The following CASTOR2 variants were observed in gnomAD, a reference collection of about 807,000 sequenced individuals.
CASTOR2 encodes the protein GATS protein like 2.
CASTOR2 carries 8 observed loss-of-function variants against 31.2 expected under a neutral mutation model. The ratio of observed to expected loss-of-function variants is 0.26; its 90% CI spans 0.15 to 0.46. CASTOR2 has a LOEUF of 0.46. Ranked by LOEUF, CASTOR2 falls within the 20% of genes least tolerant of loss-of-function variation. The pLI is 0.99. For synonymous variants in CASTOR2, 162 were observed against 158.7 expected (o/e 1.02, Z -0.16); for missense variants, 216 against 382.1 (o/e 0.57, Z 3.62).
At chr7:75,023,788 C>G (rs1330410042) in intron 7 of CASTOR2, among the ~76,000 whole-genome samples, 3 of 152,142 alleles carry the variant, frequency 2.0e-5, no homozygotes, top group Non-Finnish European at 4.4e-5. Flanking sequence ...CTTACTGTCA[C>G]GAGAACAGTA....
At chr7:74,981,804 C>T (rs1172293521) in intron 1 of CASTOR2, among the ~76,000 whole-genome samples, 3 of 145,984 alleles carry the variant, frequency 2.1e-5, no homozygotes, top group East Asian at 2.0e-4. Context: ...CGGTGGCTCA[C>T]GCCTATAATC....
In CASTOR2 at chr7:75,024,805, T is replaced by C. The variant is rs1805083747; in HGVS notation, c.*106T>C. On this transcript the variant is annotated 3_prime_UTR_variant, in exon 9 of 9. Transcript: ENST00000616305. ...GACTGGAAAATCAGCCTGGGGACCC[T>C]GAGGAAGGGGCCTCTGTGGGAGACT... The C allele has an allele frequency of 1.3e-6, 2 of 1,550,048 alleles. No homozygotes were observed. Among genetic ancestry groups the C allele is most frequent in the Admixed American group, 3.9e-5 (2 of 51,004 alleles).
At position 74,964,711 on chromosome 7, in the gene CASTOR2, T is replaced by TCCCCGCGCCGGGCG. The variant is rs1803539500; in HGVS notation, c.-272_-259dup. 1 of 121,954 alleles carries TCCCCGCGCCGGGCG rather than the reference T, an allele frequency of 8.2e-6. No homozygotes were observed. Among genetic ancestry groups the TCCCCGCGCCGGGCG allele is most frequent in the Non-Finnish European group, 1.7e-5 (1 of 57,620 alleles). The allele number at this position is 121,954 out of a possible 1,614,324, so 7.6% of individuals were successfully genotyped here. A position where few individuals can be genotyped will look rare whatever the true frequency, so the allele number is the denominator to read the frequency against. ...GTTTGTTACAGCGAACACCAGCTGC[T>TCCCCGCGCCGGGCG]CCCCGCGCCGGGCGCCGCGCGCCGC... is the stretch of plus-strand genomic sequence containing the variant. On this transcript the variant is annotated 5_prime_UTR_variant, in exon 1 of 9. Transcript: ENST00000616305.
intron 1 of CASTOR2, among the ~76,000 whole-genome samples, chr7:74,996,815 G>A (rs1166626397): frequency 1.6e-5 from 2 of 124,364 alleles, no homozygotes; most frequent in African/African-American, 3.1e-5. Flanking sequence ...TGCAACCTTC[G>A]CCTCCCAGGT....
chr7:75,031,374 C>A lies in CASTOR2; in HGVS notation c.*6675C>A, dbSNP rs987324400. Among the ~76,000 whole-genome samples, 2 of 152,196 alleles carry A rather than the reference C, an allele frequency of 1.3e-5. No homozygotes were observed. Among genetic ancestry groups the A allele is most frequent in the Non-Finnish European group, 2.9e-5 (2 of 68,042 alleles). On this transcript the variant is annotated 3_prime_UTR_variant, in exon 9 of 9. Coordinates refer to ENST00000616305, the MANE Select transcript of CASTOR2 (RefSeq NM_001145064.3). ...GAACCTGCCATCTTATCCCTACCCC[C>A]CCGGGGCCCTCAAGCTTATTTTCTT...
At chr7:75,018,198 T>C in intron 4 of CASTOR2, 76 bp downstream of exon 4, 7 of 1,566,736 alleles carry the variant, frequency 4.5e-6, no homozygotes, top group Non-Finnish European at 6.1e-6. Flanking sequence ...AGCCTTACTC[T>C]CAGCACGGGC....
At chr7:75,018,162 G>A (rs1186352752) in intron 4 of CASTOR2, 40 bp downstream of exon 4, 105 of 1,604,308 alleles carry the variant, frequency 6.5e-5, no homozygotes, top group Middle Eastern at 5.0e-4. Context: ...GAAACCTCAC[G>A]AAGTTACCAG....
At chr7:74,983,701 G>C (rs1277433827) in intron 1 of CASTOR2, among the ~76,000 whole-genome samples, 12 of 151,008 alleles carry the variant, frequency 7.9e-5, no homozygotes, top group Non-Finnish European at 1.5e-4. Flanking sequence ...CCATGGTGTG[G>C]GGAATGTCTC....
intron 2 of CASTOR2, among the ~76,000 whole-genome samples, chr7:75,014,228 T>C (rs1459182696): frequency 3.9e-5 from 6 of 151,934 alleles, no homozygotes; most frequent in Non-Finnish European, 2.9e-5. Flanking sequence ...TACATCATTG[T>C]GGTCCATGCC....
At chr7:74,988,278 G>A (rs1322265629) in intron 1 of CASTOR2, among the ~76,000 whole-genome samples, 1 of 151,274 alleles carries the variant, frequency 6.6e-6, no homozygotes, top group African/African-American at 2.4e-5. Context: ...ACAAGTGCCC[G>A]CCACCACACC....
intron 5 of CASTOR2, among the ~76,000 whole-genome samples, chr7:75,019,764 G>GA (rs1804949934): frequency 6.6e-6 from 1 of 152,234 alleles, no homozygotes; most frequent in Non-Finnish European, 1.5e-5. Context: ...CCAGCATGCT[G>GA]ACAGTCACCA....
chr7:74,996,895 A>G (rs1291966130), intron 1 of CASTOR2, among the ~76,000 whole-genome samples: 2 of 149,784 alleles, frequency 1.3e-5, no homozygotes, highest in Non-Finnish European at 3.0e-5. Context: ...CGCCCGGCTA[A>G]TTTTTTTGTG....
chr7:74,991,130 A>G (rs1804201378), intron 1 of CASTOR2, among the ~76,000 whole-genome samples: 1 of 151,764 alleles, frequency 6.6e-6, no homozygotes, highest in Admixed American at 6.6e-5. Context: ...ACCACGAGCC[A>G]CACTATAGTT....
At chr7:75,014,829 G>A (rs1224060711) in intron 2 of CASTOR2, among the ~76,000 whole-genome samples, 1 of 152,196 alleles carries the variant, frequency 6.6e-6, no homozygotes, top group Admixed American at 6.5e-5. Flanking sequence ...GAGACTCCTA[G>A]TGGCAGAGTC....
In CASTOR2 at chr7:75,018,104, T is replaced by C; in HGVS notation, c.493T>C (p.Phe165Leu). The change falls in exon 4 of 9, where the codon TTC becomes CTC. Residue 165 changes from phenylalanine (F) to leucine (L), a missense_variant. Coordinates refer to ENST00000616305, the MANE Select transcript of CASTOR2 (RefSeq NM_001145064.3). ...CGAGAACCTCGGCATCACCAATGGC[T>C]TCGTGAAGCCCAAGCTGGGTGAGCT... ...AAENLGITNG[F>L]VKPKLVQRPV... The C allele has an allele frequency of 6.2e-7, 1 of 1,614,102 alleles. No individual in the cohort carries two copies. Among genetic ancestry groups the C allele is most frequent in the Non-Finnish European group, 8.5e-7 (1 of 1,179,938 alleles).
intron 6 of CASTOR2, 51 bp downstream of exon 6, chr7:75,020,200 T>G: frequency 6.7e-7 from 1 of 1,486,022 alleles, no homozygotes; most frequent in Non-Finnish European, 9.2e-7. Context: ...CCCCAGGGTC[T>G]GGGGGGACTA....
intron 2 of CASTOR2, among the ~76,000 whole-genome samples, chr7:75,009,504 G>A (rs1320751190): frequency 6.0e-5 from 9 of 151,050 alleles, no homozygotes; most frequent in East Asian, 2.0e-4. Context: ...TCCTGACCTC[G>A]TGATCCACCC....
chr7:74,999,601 CTTTTTTTTTTTTTT>C lies in CASTOR2; in HGVS notation c.114-8371_114-8358del, dbSNP rs1158456043. Among the ~76,000 whole-genome samples, 448 of 45,762 alleles carry C rather than the reference CTTTTTTTTTTTTTT, an allele frequency of 9.8e-3. 6 individuals are homozygous for C. Among genetic ancestry groups the C allele is most frequent in the East Asian group, 0.088 (78 of 888 alleles). 30.0% of individuals were successfully genotyped at this position (45,762 alleles called of 152,430 possible). A position where few individuals can be genotyped will look rare whatever the true frequency, so the allele number is the denominator to read the frequency against. On this transcript the variant is annotated intron_variant, in intron 1 of 8. Coordinates refer to ENST00000616305, the MANE Select transcript of CASTOR2 (RefSeq NM_001145064.3). ...CCCGAAACACTTCTATCACTCACTG[CTTTTTTTTTTTTTT>C]TTTTTTTTTTTTTTTTTTTTTGAGA...
chr7:74,973,287 G>A (rs1337308476), intron 1 of CASTOR2, among the ~76,000 whole-genome samples: 2 of 148,354 alleles, frequency 1.3e-5, no homozygotes, highest in South Asian at 2.1e-4. Context: ...GATAAACCAC[G>A]TCAAGCACTC....
Sources: allele counts gnomAD v4.1 joint callset (sites outside exome capture counted in the v4.1 genomes callset), GRCh38; gene constraint gnomAD v4.1.1; transcripts MANE v1.5; gene names NCBI Gene and HGNC (gene_info 2026-07-23, HGNC 2026-07-21).